Variants in MAGI2 observed in about 807,000 individuals in gnomAD.
MAGI2 encodes the protein membrane-associated guanylate kinase, WW and PDZ domain-containing protein 2.
Under a neutral mutation model 133.3 loss-of-function variants are expected in MAGI2, and 35 were observed. The observed-to-expected ratio is 0.26, with a 90% CI of 0.20 to 0.35. The LOEUF (loss-of-function observed/expected upper bound fraction) is 0.35. MAGI2 is among the 10% of genes least tolerant of loss of function. The pLI, the probability that MAGI2 is intolerant of heterozygous loss-of-function variation, is 1.00. For synonymous variants in MAGI2, 729 were observed against 710.6 expected (o/e 1.03, Z -0.41); for missense variants, 1,636 against 1,863.4 (o/e 0.88, Z 2.25).
intron 3 of MAGI2, among the ~76,000 whole-genome samples, chr7:78,585,298 T>C (rs949907712): frequency 6.6e-6 from 1 of 152,154 alleles, no homozygotes. Context: ...ACCGGTAACT[T>C]CACTTTGGTA....
intron 1 of MAGI2, among the ~76,000 whole-genome samples, chr7:79,425,467 C>A (rs1405575049): frequency 1.3e-5 from 2 of 151,540 alleles, no homozygotes; most frequent in African/African-American, 4.8e-5. Context: ...TTTTATAAGT[C>A]AATATATTTG....
intron 2 of MAGI2, 147 bp from the exon 3 acceptor site, chr7:78,627,386 G>T: frequency 1.5e-6 from 1 of 668,598 alleles, no homozygotes. Context: ...CTGTTTGTTT[G>T]GCAACAGAAA....
intron 5 of MAGI2, among the ~76,000 whole-genome samples, chr7:78,495,902 T>C (rs991619303): frequency 1.3e-5 from 2 of 152,098 alleles, no homozygotes; most frequent in Admixed American, 6.6e-5. Context: ...TATGAAAAAA[T>C]ATTCAATGTA....
At chr7:78,391,157 C>T (rs13228296) in intron 6 of MAGI2, among the ~76,000 whole-genome samples, 25,367 of 152,170 alleles carry the variant, frequency 0.17, 2,247 homozygotes, top group South Asian at 0.22. Flanking sequence ...CTCTCCACAT[C>T]GCTCTTCAGT....
chr7:78,136,237 A>G (rs1822114161), intron 16 of MAGI2, among the ~76,000 whole-genome samples: 1 of 151,574 alleles, frequency 6.6e-6, no homozygotes, highest in Non-Finnish European at 1.5e-5. Flanking sequence ...CTCCTGCCTC[A>G]GCTTCCCGAG....
At chr7:78,887,681 G>T (rs1378353473) in intron 2 of MAGI2, among the ~76,000 whole-genome samples, 1 of 152,176 alleles carries the variant, frequency 6.6e-6, no homozygotes, top group Non-Finnish European at 1.5e-5. Flanking sequence ...TATAATTATT[G>T]TTTTATCAAC....
chr7:79,090,437 G>A (rs544859569), intron 1 of MAGI2, among the ~76,000 whole-genome samples: 33 of 152,162 alleles, frequency 2.2e-4, no homozygotes, highest in African/African-American at 7.9e-4. Flanking sequence ...TGGATCCTGA[G>A]GAATGTCATA....
chr7:78,261,501 A>G (rs1793515183), intron 9 of MAGI2, among the ~76,000 whole-genome samples: 1 of 152,144 alleles, frequency 6.6e-6, no homozygotes, highest in African/African-American at 2.4e-5. Flanking sequence ...TACACTATAT[A>G]CAGAGCATCA....
chr7:78,866,802 C>T (rs1794597884), intron 2 of MAGI2, among the ~76,000 whole-genome samples: 1 of 152,172 alleles, frequency 6.6e-6, no homozygotes, highest in South Asian at 2.1e-4. Flanking sequence ...AGAAAAACAA[C>T]CTACATGATC....
intron 2 of MAGI2, among the ~76,000 whole-genome samples, chr7:78,850,503 T>C (rs1230396806): frequency 1.3e-5 from 2 of 152,132 alleles, no homozygotes; most frequent in Non-Finnish European, 2.9e-5. Flanking sequence ...TGGCTAACTC[T>C]GTTGTGCTGA....
intron 1 of MAGI2, among the ~76,000 whole-genome samples, chr7:79,136,060 AGAAAGAAG>A (rs1481563079): frequency 9.9e-5 from 13 of 131,236 alleles, no homozygotes; most frequent in East Asian, 4.5e-4. Context: ...AAAGAAAGAA[AGAAAGAAG>A]GAAAGAAAGA....
chr7:78,874,099 T>C (rs1347483441), intron 2 of MAGI2, among the ~76,000 whole-genome samples: 2 of 152,152 alleles, frequency 1.3e-5, no homozygotes, highest in Non-Finnish European at 2.9e-5. Context: ...AAACACCTGA[T>C]TCATAGCAGC....
At chr7:78,178,367 T>TA (rs1826863073) in intron 13 of MAGI2, among the ~76,000 whole-genome samples, 1 of 152,048 alleles carries the variant, frequency 6.6e-6, no homozygotes, top group Non-Finnish European at 1.5e-5. Context: ...ATTTTCTGAG[T>TA]AAAAAAATTG....
chr7:79,364,510 T>G lies in MAGI2; in HGVS notation c.301+88510A>C, dbSNP rs148654848. Among the ~76,000 whole-genome samples, 374 of 152,144 alleles carry G rather than the reference T, an allele frequency of 2.5e-3. 2 individuals carry two copies. The highest frequency in any genetic ancestry group is 8.4e-3 in the African/African-American group (350 of 41,560). ...AAAATAAATAATTTTAAAAACAACA[T>G]GAGAAGAATCACTTTAGTTAATATT... On this transcript the variant is annotated intron_variant, in intron 1 of 21. Coordinates refer to ENST00000354212, the MANE Select transcript of MAGI2 (RefSeq NM_012301.4).
chr7:78,458,555 G>A (rs1789594359), intron 6 of MAGI2, among the ~76,000 whole-genome samples: 1 of 151,480 alleles, frequency 6.6e-6, no homozygotes, highest in Non-Finnish European at 1.5e-5. Flanking sequence ...TTAAATAATA[G>A]TTTAAATTAT....
chr7:78,491,039 A>G (rs544863560), intron 5 of MAGI2, among the ~76,000 whole-genome samples: 33 of 152,246 alleles, frequency 2.2e-4, no homozygotes, highest in Admixed American at 1.0e-3. Context: ...GATAATGATG[A>G]TATAAATTTC....
intron 21 of MAGI2, among the ~76,000 whole-genome samples, chr7:78,048,950 C>CA (rs57726865): frequency 0.92 from 138,954 of 150,910 alleles, 63,971 homozygotes; most frequent in East Asian, 0.96. Context: ...TACTAAAATA[C>CA]AAAAAAAATT....
At chr7:78,451,201 G>A (rs139759530) in intron 6 of MAGI2, among the ~76,000 whole-genome samples, 1,539 of 152,142 alleles carry the variant, frequency 0.01, 25 homozygotes, top group African/African-American at 0.035. Context: ...CAGAATAAGT[G>A]CCTATTTTTG....
At chr7:79,285,567 G>A (rs959750351) in intron 1 of MAGI2, among the ~76,000 whole-genome samples, 1 of 152,064 alleles carries the variant, frequency 6.6e-6, no homozygotes, top group African/African-American at 2.4e-5. Flanking sequence ...CCCCACTGGA[G>A]TACAGGAGAA....
Sources: allele counts gnomAD v4.1 joint callset (sites outside exome capture counted in the v4.1 genomes callset), GRCh38; gene constraint gnomAD v4.1.1; transcripts MANE v1.5; gene names NCBI Gene and HGNC (gene_info 2026-07-23, HGNC 2026-07-21).